Variants in FBN2 observed in about 807,000 individuals in gnomAD.
The protein encoded by FBN2 is fibrillin-2.
A neutral mutation model predicts 355.6 loss-of-function variants in FBN2; 105 were observed. That is an observed-to-expected ratio of 0.30 (90% CI 0.25 to 0.35). The LOEUF (loss-of-function observed/expected upper bound fraction) is 0.35. Ranked by LOEUF, FBN2 falls within the 10% of genes least tolerant of loss-of-function variation. FBN2 has a pLI of 1.00. For missense variants in FBN2, 3,280 were observed against 3,758.7 expected (o/e 0.87, Z 3.33); for synonymous variants, 1,350 against 1,301.2 (o/e 1.04, Z -0.81).
chr5:128,290,982 C>T, intron 49 of FBN2, 98 bp from the exon 50 acceptor site: 1 of 1,132,790 alleles, frequency 8.8e-7, no homozygotes, highest in Non-Finnish European at 1.3e-6. Context: ...ACTAGATCAG[C>T]AGTTAAGGCA....
chr5:128,349,572 A>T, intron 22 of FBN2, 100 bp from the exon 23 acceptor site: 12 of 1,305,386 alleles, frequency 9.2e-6, no homozygotes, highest in South Asian at 2.5e-5. Flanking sequence ...CACATTCAAT[A>T]CAATGTGGAT....
intron 16 of FBN2, among the ~76,000 whole-genome samples, chr5:128,368,425 T>TATATGTATATATACATATATAC (rs1554064125): frequency 1.0e-4 from 14 of 133,454 alleles, no homozygotes; most frequent in Non-Finnish European, 9.9e-5. Flanking sequence ...TGTGTGTATA[T>TATATGTATATATACATATATAC]ATATATATAC....
At chr5:128,385,710 CTACTTTTTAATAA>C (rs1285147576) in intron 11 of FBN2, among the ~76,000 whole-genome samples, 1 of 151,862 alleles carries the variant, frequency 6.6e-6, no homozygotes, top group Non-Finnish European at 1.5e-5. Context: ...TTACCAGCAT[CTACTTTTTAATAA>C]CAGCCATTTT....
At position 128,339,054 on chromosome 5, in the gene FBN2, G is replaced by C. The variant is rs78484531; in HGVS notation, c.3351C>G (p.Asp1117Glu). ...AGAGGTCAGGAGAAATCCTGCACTC[G>C]TCGATGTCTAATTCACAGGGTTTAA... ...DMEERNCTDIDECRISPDLCG... is the reference protein window; with the variant it reads ...DMEERNCTDIEECRISPDLCG... Residue 1117 changes from aspartate to glutamate, a missense_variant, in exon 26 of 65, where the codon GAC (aspartate) becomes GAG (glutamate). This residue lies in a region of FBN2 where 2,284 missense variants were observed against 2,749.5 expected (regional missense o/e 0.83). Transcript: ENST00000262464. 8 of 1,613,814 alleles carry C rather than the reference G, an allele frequency of 5.0e-6. No individual in the cohort carries two copies. The highest frequency in any genetic ancestry group is 5.1e-6 in the Non-Finnish European group (6 of 1,179,858).
At chr5:128,457,358 A>C (rs1754420509) in intron 6 of FBN2, among the ~76,000 whole-genome samples, 1 of 152,204 alleles carries the variant, frequency 6.6e-6, no homozygotes, top group Admixed American at 6.5e-5. Flanking sequence ...GGGAGAATGG[A>C]AACAAGCTGG....
chr5:128,450,949 A>C (rs1754222648), intron 6 of FBN2, among the ~76,000 whole-genome samples: 1 of 152,178 alleles, frequency 6.6e-6, no homozygotes, highest in Non-Finnish European at 1.5e-5. Flanking sequence ...ATAACCATCA[A>C]TATAAATTTG....
chr5:128,297,456 T>G (rs1749556835), intron 48 of FBN2, among the ~76,000 whole-genome samples: 1 of 152,006 alleles, frequency 6.6e-6, no homozygotes, highest in Non-Finnish European at 1.5e-5. Context: ...CTCCCATTAT[T>G]AATGTGTGGG....
intron 62 of FBN2, among the ~76,000 whole-genome samples, chr5:128,264,208 A>G (rs1765059350): frequency 6.6e-6 from 1 of 152,166 alleles, no homozygotes; most frequent in Non-Finnish European, 1.5e-5. Flanking sequence ...AAGTCCCTAT[A>G]AGTATTTGTA....
intron 48 of FBN2, among the ~76,000 whole-genome samples, chr5:128,296,547 C>T (rs1212950994): frequency 1.3e-5 from 2 of 151,948 alleles, no homozygotes; most frequent in Non-Finnish European, 2.9e-5. Flanking sequence ...GATTCAACTT[C>T]TTCCTGGTTT....
At chr5:128,363,195 CTTTTCTT>C (rs1751682441) in intron 18 of FBN2, among the ~76,000 whole-genome samples, 1 of 151,664 alleles carries the variant, frequency 6.6e-6, no homozygotes, top group South Asian at 2.1e-4. Context: ...TTCCTTTTCT[CTTTTCTT>C]TTTTCTGAGA....
intron 36 of FBN2, among the ~76,000 whole-genome samples, chr5:128,313,913 C>CATTACT (rs1216365165): frequency 1.4e-5 from 2 of 148,144 alleles, no homozygotes; most frequent in African/African-American, 5.0e-5. Flanking sequence ...CTGCCTCTAT[C>CATTACT]ATTACTATCT....
chr5:128,530,128 C>A (rs940587129), intron 3 of FBN2, among the ~76,000 whole-genome samples: 49 of 152,158 alleles, frequency 3.2e-4, no homozygotes, highest in African/African-American at 1.2e-3. Context: ...CCAACAATTT[C>A]TAATTGGGTC....
chr5:128,531,825 T>C (rs990219379), intron 2 of FBN2, among the ~76,000 whole-genome samples: 1 of 151,912 alleles, frequency 6.6e-6, no homozygotes, highest in Non-Finnish European at 1.5e-5. Flanking sequence ...GATGGGCTTA[T>C]GTATGGATTA....
intron 5 of FBN2, among the ~76,000 whole-genome samples, chr5:128,502,291 A>C (rs376145273): frequency 0.013 from 1,903 of 151,930 alleles, 25 homozygotes; most frequent in Middle Eastern, 0.031. Flanking sequence ...ACAGAACAAA[A>C]AAAAAAAAAT....
chr5:128,277,597 C>A (rs1286637055), intron 58 of FBN2, among the ~76,000 whole-genome samples: 1 of 152,040 alleles, frequency 6.6e-6, no homozygotes, highest in Non-Finnish European at 1.5e-5. Flanking sequence ...GGTTTACAAC[C>A]TGAGAATCAG....
rs182614027 is a variant in FBN2, at chr5:128,307,790, G to T, written c.5354-587C>A. On this transcript the variant is annotated intron_variant, in intron 41 of 64. Coordinates refer to ENST00000262464, the MANE Select transcript of FBN2 (RefSeq NM_001999.4). Reference sequence around the variant, plus strand: ...TTACACATAATTAACCAAATCAATGGAAATTTAAAAGAATTCTAATTTGCA... The same window carrying T: ...TTACACATAATTAACCAAATCAATGTAAATTTAAAAGAATTCTAATTTGCA... Among the ~76,000 whole-genome samples the T allele has an allele frequency of 1.7e-3, 265 of 151,698 alleles. 1 individual carries two copies. Among genetic ancestry groups the T allele is most frequent in the African/African-American group, 6.1e-3 (251 of 41,442 alleles).
rs182109675 is a variant in FBN2, at chr5:128,421,143, G to A, written c.953-12344C>T. ...ATTTACTTAGAAAACAATAAAACTAGAAAGTTAAGTGACAGGCCTAGAATG... is the reference window on the plus strand; with the variant it reads ...ATTTACTTAGAAAACAATAAAACTAAAAAGTTAAGTGACAGGCCTAGAATG... On this transcript the variant is annotated intron_variant, in intron 7 of 64. Coordinates refer to ENST00000262464, the MANE Select transcript of FBN2 (RefSeq NM_001999.4). Among the ~76,000 whole-genome samples, 3 of 152,318 alleles carry A rather than the reference G, an allele frequency of 2.0e-5. No homozygotes were observed. In the East Asian group the frequency reaches 5.8e-4, roughly 29 times the overall value.
chr5:128,374,758 G>T lies in FBN2; in HGVS notation c.1973-8C>A. 6.2e-7 allele frequency: 1 copy of T among 1,613,796 alleles called. No individual in the cohort carries two copies. Among genetic ancestry groups the T allele is most frequent in the Non-Finnish European group, 8.5e-7 (1 of 1,179,820 alleles). On this transcript the variant is annotated splice_polypyrimidine_tract_variant and splice_region_variant and intron_variant, in intron 14 of 64. Coordinates refer to ENST00000262464, the MANE Select transcript of FBN2 (RefSeq NM_001999.4). ...TCTGGCATTCATCAACATCTGTGCA[G>T]TGGGTGACAGAAGCCAAGCAGTTAC...
intron 5 of FBN2, among the ~76,000 whole-genome samples, chr5:128,480,012 A>C (rs1256769312): frequency 1.3e-5 from 1 of 76,530 alleles, no homozygotes; most frequent in Non-Finnish European, 2.8e-5. Context: ...ATATATATAT[A>C]TATATATATA....
Sources: gnomAD v4.1 joint callset for allele counts (sites outside exome capture counted in the v4.1 genomes callset) on GRCh38, gnomAD v4.1.1 for gene constraint, gnomAD v4.1.1 regional missense constraint, MANE v1.5 for transcripts, NCBI Gene and HGNC (gene_info 2026-07-23, HGNC 2026-07-21) for gene names.